The following TFB1M variants were observed in gnomAD, a reference collection of about 807,000 sequenced individuals.
The protein encoded by TFB1M is dimethyladenosine transferase 1, mitochondrial.
In TFB1M, 27 loss-of-function variants were observed where a neutral mutation model predicts 31.1. The observed-to-expected ratio is 0.87, with a 90% CI of 0.64 to 1.20. The LOEUF is 1.20. TFB1M is among the 50% of genes most tolerant of loss of function. TFB1M has a pLI of 0.00. For synonymous variants in TFB1M, 166 were observed against 151.8 expected (o/e 1.09, Z -0.69); for missense variants, 394 against 418.7 (o/e 0.94, Z 0.51).
chr6:155,281,721 CAAAAAAA>C (rs1217317032), intron 5 of TFB1M, among the ~76,000 whole-genome samples: 2 of 63,226 alleles, frequency 3.2e-5, no homozygotes, highest in South Asian at 7.8e-4. Flanking sequence ...GACTCTGTCT[CAAAAAAA>C]AAAAAAAAAA....
chr6:155,260,744 G>C, intron 5 of TFB1M: 1 of 350,900 alleles, frequency 2.8e-6, no homozygotes, highest in Non-Finnish European at 5.5e-6. Flanking sequence ...GAATATTTTA[G>C]TTTTTGAATG....
rs146406000 is a variant in TFB1M at position 155,257,901 on chromosome 6, G to A, written c.976C>T (p.Leu326Phe). The change falls in exon 7 of 7, where the codon CTC becomes TTC. Residue 326 changes from leucine to phenylalanine, a missense_variant. Physicochemically the swap from Leu to Phe is conservative, Grantham distance 22 (BLOSUM62 0). Coordinates refer to ENST00000367166, the MANE Select transcript of TFB1M (RefSeq NM_016020.4). ...TCATTTTTGCTTTTTCTTCGCTTGA[G>A]TTCTTCTCTGAAATTATATGCAAAG... ...QLFAYNFREE[L>F]KRRKSKNEEK... 3.4e-4 allele frequency: 555 copies of A among 1,614,152 alleles called. 5 individuals carry two copies. The East Asian group carries it at 6.9e-3, about 20-fold the overall frequency.
the TFB1M span, among the ~76,000 whole-genome samples, chr6:155,243,846 C>CAAAAAAAA: frequency 1.3e-3 from 72 of 55,050 alleles, 4 homozygotes; most frequent in African/African-American, 5.3e-3. Context: ...GACTCCGTCT[C>CAAAAAAAA]AAAAAAAAAA....
the TFB1M span, among the ~76,000 whole-genome samples, chr6:155,230,234 C>T: frequency 6.6e-6 from 1 of 152,246 alleles, no homozygotes; most frequent in Admixed American, 6.5e-5. Context: ...AAGTTCACCA[C>T]CTCATGCCCC....
downstream of TFB1M, chr6:155,254,781 C>T: frequency 1.8e-6 from 1 of 567,828 alleles, no homozygotes; most frequent in South Asian, 2.5e-5. Flanking sequence ...CCTTGTCTTC[C>T]TACCCGCTGA....
the TFB1M span, chr6:155,249,964 A>G: frequency 8.1e-6 from 13 of 1,612,230 alleles, no homozygotes; most frequent in African/African-American, 1.3e-5. Context: ...CGGAACAGAG[A>G]AGGAGGTCCG....
At chr6:155,248,028 T>C in the TFB1M span, 7 of 1,614,204 alleles carry the variant, frequency 4.3e-6, no homozygotes, top group East Asian at 4.5e-5. Flanking sequence ...TCAAGGCTTT[T>C]CTGGACGCCC....
rs753853336 is a variant in TFB1M at position 155,275,727 on chromosome 6, C to A, written c.666+9431G>T. The A allele has an allele frequency of 1.1e-5, 17 of 1,612,822 alleles. 2 individuals carry two copies. The South Asian group carries it at 1.9e-4, about 18-fold the overall frequency. On this transcript the variant is annotated intron_variant, in intron 5 of 6. Transcript: ENST00000367166. ...AGACTTAACAGTAACATCATGGCCT[C>A]AGCAGGACTCCAGCTCCTTGCTTTC...
At chr6:155,304,222 C>A (rs144217648) in intron 2 of TFB1M, among the ~76,000 whole-genome samples, 1,707 of 152,152 alleles carry the variant, frequency 0.011, 35 homozygotes, top group African/African-American at 0.039. Flanking sequence ...GTGGAGCTTG[C>A]AGTGAGCCGA....
At chr6:155,286,121 G>C (rs946216804) in intron 4 of TFB1M, among the ~76,000 whole-genome samples, 4 of 152,030 alleles carry the variant, frequency 2.6e-5, no homozygotes, top group Non-Finnish European at 5.9e-5. Flanking sequence ...CACGATAGAT[G>C]CGATGTAGCA....
chr6:155,268,954 A>G (rs192594166), intron 5 of TFB1M, among the ~76,000 whole-genome samples: 2,458 of 141,910 alleles, frequency 0.017, 69 homozygotes, highest in African/African-American at 0.062. Context: ...ATTAAAAAAA[A>G]AAAAAAGAAA....
intron 2 of TFB1M, among the ~76,000 whole-genome samples, chr6:155,309,325 G>C (rs1777918572): frequency 6.6e-6 from 1 of 152,156 alleles, no homozygotes; most frequent in Non-Finnish European, 1.5e-5. Context: ...GTACAGCAGG[G>C]AACAAAACAG....
At chr6:155,255,041 C>A (rs1783912014), downstream of TFB1M, 1 of 156,238 alleles carries the variant, frequency 6.4e-6, no homozygotes, top group Non-Finnish European at 1.4e-5. Context: ...AGTACCCAGA[C>A]AACCATTCTG....
intron 5 of TFB1M, among the ~76,000 whole-genome samples, chr6:155,280,378 A>G (rs1785440389): frequency 6.6e-6 from 1 of 152,190 alleles, no homozygotes; most frequent in South Asian, 2.1e-4. Flanking sequence ...TGGCTGGCAC[A>G]GGTTCCAATA....
At chr6:155,248,417 G>A in the TFB1M span, among the ~76,000 whole-genome samples, 6 of 152,208 alleles carry the variant, frequency 3.9e-5, no homozygotes, top group African/African-American at 1.4e-4. Context: ...TCCGGGTAGC[G>A]CCATACTCCT....
At chr6:155,232,642 T>C in the TFB1M span, 3 of 152,240 alleles carry the variant, frequency 2.0e-5, no homozygotes, top group Non-Finnish European at 4.4e-5. Context: ...GGCTGATGGC[T>C]CAGCACAGAG....
intron 6 of TFB1M, among the ~76,000 whole-genome samples, chr6:155,258,824 A>G (rs1305569019): frequency 6.6e-6 from 1 of 152,194 alleles, no homozygotes; most frequent in Non-Finnish European, 1.5e-5. Context: ...GGTCCTTTCA[A>G]CAAGGAATTG....
intron 2 of TFB1M, among the ~76,000 whole-genome samples, chr6:155,299,885 G>A (rs950994): frequency 0.39 from 58,598 of 152,046 alleles, 11,900 homozygotes; most frequent in East Asian, 0.66. Context: ...ACACTGTACT[G>A]TGCGTCTGCC....
chr6:155,233,794 T>C, the TFB1M span, among the ~76,000 whole-genome samples: 1 of 151,990 alleles, frequency 6.6e-6, no homozygotes, highest in Non-Finnish European at 1.5e-5. Context: ...CCCTCCCTTC[T>C]CTACTAAAAA....
Sources: gnomAD v4.1 joint callset for allele counts (sites outside exome capture counted in the v4.1 genomes callset) on GRCh38, gnomAD v4.1.1 for gene constraint, MANE v1.5 for transcripts, NCBI Gene and HGNC (gene_info 2026-07-23, HGNC 2026-07-21) for gene names.